RHBDD1: variants seen among roughly 807,000 people sequenced by gnomAD.
RHBDD1 encodes rhomboid domain containing 1.
Under a neutral mutation model 36.3 loss-of-function variants are expected in RHBDD1, and 38 were observed. That is an observed-to-expected ratio of 1.05 (90% CI 0.81 to 1.37). The LOEUF (loss-of-function observed/expected upper bound fraction) is 1.37, where lower values mean the gene tolerates loss of function less well. Among genes scored for constraint, RHBDD1 ranks in the 40% most tolerant of loss-of-function variants. RHBDD1 has a pLI of 0.00. For synonymous variants in RHBDD1, 151 were observed against 136.5 expected, an observed-to-expected ratio of 1.11 and a Z score of -0.74; for missense variants, 393 against 377.6, an observed-to-expected ratio of 1.04 and a Z score of -0.34.
At chr2:226,978,660 G>A (rs958825861) in intron 8 of RHBDD1, among the ~76,000 whole-genome samples, 5 of 152,184 alleles carry the variant, frequency 3.3e-5, no homozygotes, top group East Asian at 1.9e-4. Flanking sequence ...AGCTCACAAC[G>A]CAGTGAGAAT....
intron 8 of RHBDD1, among the ~76,000 whole-genome samples, chr2:226,915,023 TA>T (rs1258365711): frequency 6.6e-6 from 1 of 152,114 alleles, no homozygotes; most frequent in Non-Finnish European, 1.5e-5. Flanking sequence ...TGTACAATGG[TA>T]GGTACAATAG....
At chr2:226,860,068 G>A (rs1191889656) in intron 3 of RHBDD1, among the ~76,000 whole-genome samples, 1 of 152,198 alleles carries the variant, frequency 6.6e-6, no homozygotes, top group Non-Finnish European at 1.5e-5. Context: ...GGGGGTAGCA[G>A]GGTGATAAGG....
At chr2:226,858,754 C>T (rs1574834223) in intron 3 of RHBDD1, among the ~76,000 whole-genome samples, 1 of 152,246 alleles carries the variant, frequency 6.6e-6, no homozygotes, top group African/African-American at 2.4e-5. Context: ...TTTCTTATTA[C>T]ATACCTGTTT....
upstream of RHBDD1, among the ~76,000 whole-genome samples, chr2:226,834,637 T>C (rs1276719099): frequency 6.6e-6 from 1 of 152,228 alleles, no homozygotes; most frequent in Non-Finnish European, 1.5e-5. Context: ...TAGGCAGTTT[T>C]TGTTTTAGCA....
chr2:226,908,605 A>ACACC (rs1553563493), intron 6 of RHBDD1: 11 of 545,546 alleles, frequency 2.0e-5, no homozygotes, highest in African/African-American at 1.9e-4. Context: ...ACACACACAC[A>ACACC]CACACACACA....
chr2:226,816,752 T>C, the RHBDD1 span, among the ~76,000 whole-genome samples: 1 of 151,994 alleles, frequency 6.6e-6, no homozygotes, highest in Admixed American at 6.6e-5. Context: ...AAAAATTAGC[T>C]GGGCATGGTG....
intron 8 of RHBDD1, among the ~76,000 whole-genome samples, chr2:226,959,669 G>T (rs1342458990): frequency 1.3e-5 from 2 of 152,114 alleles, no homozygotes; most frequent in Admixed American, 1.3e-4. Context: ...TAAACATTTG[G>T]ATTTCCAGTT....
At chr2:226,881,749 A>G (rs563530445) in intron 5 of RHBDD1, among the ~76,000 whole-genome samples, 3 of 152,310 alleles carry the variant, frequency 2.0e-5, no homozygotes, top group Admixed American at 6.5e-5. Flanking sequence ...AATATTTTCT[A>G]TAAGTTTTTT....
chr2:226,926,492 AT>A (rs1269641105), intron 8 of RHBDD1, among the ~76,000 whole-genome samples: 1 of 152,092 alleles, frequency 6.6e-6, no homozygotes, highest in South Asian at 2.1e-4. Context: ...TAGGTGTCTT[AT>A]TATTTCTTTG....
At chr2:226,852,994 C>T (rs1302714730) in intron 3 of RHBDD1, among the ~76,000 whole-genome samples, 1 of 150,286 alleles carries the variant, frequency 6.7e-6, no homozygotes, top group African/African-American at 2.4e-5. Context: ...GTCTTGAATT[C>T]CTGGCCTCAA....
the RHBDD1 span, among the ~76,000 whole-genome samples, chr2:226,801,941 A>C: frequency 0.054 from 8,253 of 152,172 alleles, 296 homozygotes; most frequent in East Asian, 0.11. Context: ...TAGTGGAGTA[A>C]TTAACATTTT....
the RHBDD1 span, among the ~76,000 whole-genome samples, chr2:226,824,990 C>T: frequency 6.6e-6 from 1 of 152,212 alleles, no homozygotes; most frequent in Admixed American, 6.5e-5. Context: ...TCATCTGCTA[C>T]TGTTATTATC....
At chr2:226,855,969 G>A (rs1943281894) in intron 3 of RHBDD1, among the ~76,000 whole-genome samples, 1 of 152,108 alleles carries the variant, frequency 6.6e-6, no homozygotes, top group Admixed American at 6.5e-5. Flanking sequence ...TATCATTAAT[G>A]TAGCTCTGGA....
At chr2:226,857,113 GTGTT>G (rs1943407683) in intron 3 of RHBDD1, among the ~76,000 whole-genome samples, 2 of 147,716 alleles carry the variant, frequency 1.4e-5, no homozygotes, top group East Asian at 3.9e-4. Flanking sequence ...GTGTGTGTGT[GTGTT>G]TGGGTACACG....
At chr2:226,917,698 T>C (rs925764109) in intron 8 of RHBDD1, among the ~76,000 whole-genome samples, 3 of 152,096 alleles carry the variant, frequency 2.0e-5, no homozygotes, top group Non-Finnish European at 4.4e-5. Context: ...TCCCTTTTTT[T>C]CCTTCCTCCT....
intron 8 of RHBDD1, among the ~76,000 whole-genome samples, chr2:226,934,439 TTTAG>T (rs1950215255): frequency 6.6e-6 from 1 of 152,122 alleles, no homozygotes; most frequent in Non-Finnish European, 1.5e-5. Flanking sequence ...CAAACTTTTC[TTTAG>T]TTAAATAAAT....
intron 3 of RHBDD1, among the ~76,000 whole-genome samples, chr2:226,848,241 C>T (rs1328939574): frequency 6.6e-6 from 1 of 151,842 alleles, no homozygotes; most frequent in Non-Finnish European, 1.5e-5. Flanking sequence ...GACTTGTCCT[C>T]AAGAAAACAG....
chr2:226,968,114 A>T (rs546029366), intron 8 of RHBDD1, among the ~76,000 whole-genome samples: 22 of 152,298 alleles, frequency 1.4e-4, no homozygotes, highest in African/African-American at 5.3e-4. Context: ...GTTTACAAAG[A>T]TAGGAGACAT....
intron 3 of RHBDD1, among the ~76,000 whole-genome samples, chr2:226,841,082 A>G (rs936876430): frequency 2.6e-5 from 4 of 152,046 alleles, no homozygotes; most frequent in Admixed American, 2.6e-4. Flanking sequence ...ATCCTAACAT[A>G]TTGAAGGAAA....
Sources: allele counts gnomAD v4.1 joint callset (sites outside exome capture counted in the v4.1 genomes callset), GRCh38; gene constraint gnomAD v4.1.1; transcripts MANE v1.5; gene names NCBI Gene and HGNC (gene_info 2026-07-23, HGNC 2026-07-21).